Variants in TRIM24 observed in about 807,000 individuals in gnomAD.
The protein encoded by TRIM24 is tripartite motif containing 24.
In TRIM24, 29 loss-of-function variants were observed where a neutral mutation model predicts 123.9. The observed-to-expected ratio is 0.23, with a 90% CI of 0.17 to 0.32. TRIM24 has a LOEUF of 0.32. TRIM24 is among the 10% of genes least tolerant of loss of function. The pLI is 1.00. For missense variants in TRIM24, 932 were observed against 1,295.3 expected (o/e 0.72, Z 4.31); for synonymous variants, 456 against 461.1 (o/e 0.99, Z 0.14).
intron 6 of TRIM24, 27 bp downstream of exon 6, chr7:138,529,257 A>G: frequency 6.9e-6 from 8 of 1,167,296 alleles, no homozygotes; most frequent in Middle Eastern, 2.0e-4. Context: ...GGGATAGTAT[A>G]TTGATTCAAC....
intron 1 of TRIM24, 110 bp downstream of exon 1, chr7:138,461,022 C>T (rs1436884613): frequency 1.9e-6 from 2 of 1,054,496 alleles, no homozygotes; most frequent in East Asian, 3.4e-5. Context: ...GGGTGCGCGG[C>T]GGGGGAGGGG....
Position 138,527,099 on chromosome 7 carries a change from T to C in TRIM24, c.881+1742T>C, listed in dbSNP as rs148475254. Among the ~76,000 whole-genome samples, 353 of 152,318 alleles carry C rather than the reference T, an allele frequency of 2.3e-3. 2 individuals are homozygous for C. Among genetic ancestry groups the C allele is most frequent in the African/African-American group, 8.4e-3 (349 of 41,566 alleles). ...CCACTATCATTTGTTGAAAAAACTT[T>C]CTGTTGAATTGTTTTTCAGCACCTT... On this transcript the variant is annotated intron_variant, in intron 5 of 18. Coordinates refer to ENST00000343526, the MANE Select transcript of TRIM24 (RefSeq NM_015905.3).
intron 1 of TRIM24, among the ~76,000 whole-genome samples, chr7:138,473,650 G>A (rs1188811786): frequency 6.6e-6 from 1 of 152,164 alleles, no homozygotes; most frequent in Non-Finnish European, 1.5e-5. Flanking sequence ...AGTACAAAAT[G>A]GTTTTTCTAT....
chr7:138,503,008 GT>G (rs967084897), intron 1 of TRIM24, among the ~76,000 whole-genome samples: 9 of 148,310 alleles, frequency 6.1e-5, no homozygotes, highest in Admixed American at 3.4e-4. Context: ...ACTTAAAGTA[GT>G]TTTTTTTTTA....
chr7:138,494,325 C>T (rs1032879471), intron 1 of TRIM24, among the ~76,000 whole-genome samples: 82 of 151,812 alleles, frequency 5.4e-4, no homozygotes, highest in African/African-American at 1.9e-3. Flanking sequence ...CACTGTGTTG[C>T]CCAGGCTGCT....
At chr7:138,573,773 G>T in intron 12 of TRIM24, 131 bp downstream of exon 12, 1 of 1,044,524 alleles carries the variant, frequency 9.6e-7, no homozygotes, top group Non-Finnish European at 1.4e-6. Context: ...AAATTAGTAT[G>T]CTTTCAGAGA....
At chr7:138,501,662 C>T (rs939896168) in intron 1 of TRIM24, among the ~76,000 whole-genome samples, 1 of 151,860 alleles carries the variant, frequency 6.6e-6, no homozygotes, top group Non-Finnish European at 1.5e-5. Context: ...CTGAGGTGGA[C>T]AGATCACGAG....
At position 138,554,523 on chromosome 7, in the gene TRIM24, C is replaced by T. The variant is rs1251429662; in HGVS notation, c.1262-175C>T. On this transcript the variant is annotated intron_variant, in intron 8 of 18. Transcript: ENST00000343526. This position sits in a 1 kb window ranked among gnomAD's most constrained non-coding sequence, Gnocchi z 4.5. ...TTTCTAATATTATAAATGTTGATGA[C>T]TAGAAGTTAGATGAACAAAAGCTGT... is the stretch of plus-strand genomic sequence containing the variant. 6.6e-6 allele frequency among the ~76,000 whole-genome samples: 1 copy of T among 152,022 alleles called. No homozygotes were observed. Among genetic ancestry groups the T allele is most frequent in the African/African-American group, 2.4e-5 (1 of 41,384 alleles).
intron 7 of TRIM24, among the ~76,000 whole-genome samples, chr7:138,540,009 C>G (rs1237977730): frequency 6.6e-6 from 1 of 152,060 alleles, no homozygotes; most frequent in African/African-American, 2.4e-5. Context: ...ACCATGTTAG[C>G]CAGGATGGTC....
chr7:138,496,851 C>T (rs1170257563), intron 1 of TRIM24, among the ~76,000 whole-genome samples: 2 of 152,116 alleles, frequency 1.3e-5, no homozygotes, highest in East Asian at 1.9e-4. Flanking sequence ...TCAAAGAAGG[C>T]TTTTCTCCCT....
chr7:138,536,111 A>G (rs1163201025), intron 6 of TRIM24, among the ~76,000 whole-genome samples: 1 of 152,054 alleles, frequency 6.6e-6, no homozygotes, highest in Non-Finnish European at 1.5e-5. Flanking sequence ...CTAGTTAGCC[A>G]TTCATCTAAT....
At chr7:138,486,132 G>A (rs1795641150) in intron 1 of TRIM24, among the ~76,000 whole-genome samples, 1 of 152,106 alleles carries the variant, frequency 6.6e-6, no homozygotes, top group African/African-American at 2.4e-5. Context: ...CTGCATACAT[G>A]TTTTCTTTTG....
At chr7:138,464,800 T>C (rs902834188) in intron 1 of TRIM24, among the ~76,000 whole-genome samples, 1 of 152,160 alleles carries the variant, frequency 6.6e-6, no homozygotes, top group Non-Finnish European at 1.5e-5. Context: ...CACTAAACTT[T>C]AACACCTAAA....
At chr7:138,497,881 T>TG (rs1231726747) in intron 1 of TRIM24, among the ~76,000 whole-genome samples, 2 of 151,604 alleles carry the variant, frequency 1.3e-5, no homozygotes, top group East Asian at 3.9e-4. Context: ...TTTGTAGAGG[T>TG]GGGGTTTCAC....
intron 2 of TRIM24, among the ~76,000 whole-genome samples, chr7:138,515,005 A>G (rs1366947851): frequency 6.6e-6 from 1 of 152,210 alleles, no homozygotes; most frequent in Non-Finnish European, 1.5e-5. Context: ...AATTAAGGAG[A>G]AAATATACTT....
rs200408138 is a variant in TRIM24, at chr7:138,579,399, A to G, written c.2452A>G (p.Thr818Ala). The change falls in exon 15 of 19, where the codon ACA (threonine) becomes GCA (alanine). Residue 818 changes from threonine (T) to alanine (A), a missense_variant. This residue lies in a region of TRIM24 where 527 missense variants were observed against 691.3 expected (regional missense o/e 0.76). Coordinates refer to ENST00000343526, the MANE Select transcript of TRIM24 (RefSeq NM_015905.3). ...SQKSPLHVGE[T>A]RKEDDPNEDW... ...GAAGTCACCTCTTCATGTTGGAGAG[A>G]CAAGGAAAGAGGATGACCCCAATGA... The G allele has an allele frequency of 1.2e-6, 2 of 1,614,002 alleles. No homozygotes were observed. Among genetic ancestry groups the G allele is most frequent in the African/African-American group, 2.7e-5 (2 of 74,906 alleles).
intron 1 of TRIM24, among the ~76,000 whole-genome samples, chr7:138,471,992 G>T (rs1468768752): frequency 6.6e-6 from 1 of 151,936 alleles, no homozygotes; most frequent in Non-Finnish European, 1.5e-5. Context: ...TGCTCCTCCT[G>T]CAAGGTCAAG....
rs553846856 is a variant in TRIM24 at position 138,473,641 on chromosome 7, G to A, written c.364+12729G>A. On this transcript the variant is annotated intron_variant, in intron 1 of 18. Coordinates refer to ENST00000343526, the MANE Select transcript of TRIM24 (RefSeq NM_015905.3). ...GCCTTTATCAGCTATTACTGTGATA[G>A]TACAAAATGGTTTTTCTATCACTGT... Among the ~76,000 whole-genome samples the A allele has an allele frequency of 1.4e-3, 218 of 152,344 alleles. 1 individual carries two copies. The highest frequency in any genetic ancestry group is 2.2e-3 in the Non-Finnish European group (148 of 68,046).
In TRIM24 at chr7:138,589,295, G is replaced by A. The variant is rs1282719054; in HGVS notation, c.*4344G>A. 1 of 152,150 alleles carries A rather than the reference G, an allele frequency of 6.6e-6. No homozygotes were observed. The highest frequency in any genetic ancestry group is 1.5e-5 in the Non-Finnish European group (1 of 68,030). The allele number at this position is 152,150 out of a possible 1,614,324, so 9.4% of individuals were successfully genotyped here. On this transcript the variant is annotated 3_prime_UTR_variant, in exon 19 of 19. Coordinates refer to ENST00000343526, the MANE Select transcript of TRIM24 (RefSeq NM_015905.3). ...TTTACTTATTGAGAGGGACATCTGA[G>A]GCAGTAGTCTTCGTCTTTAATTTTT...
Sources: gnomAD v4.1 joint callset for allele counts (sites outside exome capture counted in the v4.1 genomes callset) on GRCh38, gnomAD v4.1.1 for gene constraint, gnomAD v4.1.1 regional missense constraint, Gnocchi (gnomAD v3.1) non-coding constraint, MANE v1.5 for transcripts, NCBI Gene and HGNC (gene_info 2026-07-23, HGNC 2026-07-21) for gene names.